Variants in BAZ2B observed in about 807,000 individuals in gnomAD.
BAZ2B encodes bromodomain adjacent to zinc finger domain protein 2B.
In BAZ2B, 91 loss-of-function variants were observed where a neutral mutation model predicts 246.0. The ratio of observed to expected loss-of-function variants is 0.37; its 90% CI spans 0.31 to 0.44. The LOEUF (loss-of-function observed/expected upper bound fraction) is 0.44. Among genes scored for constraint, BAZ2B ranks in the 20% least tolerant of loss-of-function variants. BAZ2B has a pLI of 1.00. For synonymous variants in BAZ2B, 855 were observed against 860.0 expected, an observed-to-expected ratio of 0.99 and a Z score of 0.10; for missense variants, 2,332 against 2,533.7, an observed-to-expected ratio of 0.92 and a Z score of 1.71.
intron 27 of BAZ2B, 27 bp from the exon 28 acceptor site, chr2:159,350,384 A>T: frequency 6.8e-7 from 1 of 1,464,962 alleles, no homozygotes; most frequent in Non-Finnish European, 9.1e-7. Flanking sequence ...CATTATGAAC[A>T]TCAGTTACTC....
downstream of BAZ2B, among the ~76,000 whole-genome samples, chr2:159,315,982 A>C (rs2062072020): frequency 6.6e-6 from 1 of 152,220 alleles, no homozygotes. Context: ...CAGAAACAGA[A>C]TTTAAAAACA....
At chr2:159,355,839 C>T (rs896943745) in intron 27 of BAZ2B, among the ~76,000 whole-genome samples, 5 of 152,092 alleles carry the variant, frequency 3.3e-5, no homozygotes, top group South Asian at 4.1e-4. Context: ...ACACAGAAGG[C>T]GGCCGAAGTA....
chr2:159,334,562 T>C (rs1167562418), intron 33 of BAZ2B, among the ~76,000 whole-genome samples: 2 of 152,232 alleles, frequency 1.3e-5, no homozygotes, highest in African/African-American at 4.8e-5. Context: ...AGGTGCTTCT[T>C]AATCTTTGAA....
In BAZ2B at chr2:159,462,486, C is replaced by T. The variant is rs1467415105; in HGVS notation, c.146-8685G>A. 6 of 1,029,998 alleles carry T rather than the reference C, an allele frequency of 5.8e-6. No individual in the cohort carries two copies. In the Admixed American group the frequency reaches 6.8e-5, roughly 12 times the overall value. 63.8% of individuals were successfully genotyped at this position (1,029,998 alleles called of 1,614,324 possible). A position where few individuals can be genotyped will look rare whatever the true frequency, so the allele number is the denominator to read the frequency against. ...GTAACCGGAAGCTGCCGGCGCAAGACCTTGAATGTGGTATCTGACATTGTT... is the reference window on the plus strand; with the variant it reads ...GTAACCGGAAGCTGCCGGCGCAAGATCTTGAATGTGGTATCTGACATTGTT... On this transcript the variant is annotated intron_variant, in intron 3 of 36. Transcript: ENST00000392783.
At chr2:159,524,524 CT>C (rs1345309716) in intron 2 of BAZ2B, among the ~76,000 whole-genome samples, 1 of 152,036 alleles carries the variant, frequency 6.6e-6, no homozygotes, top group Non-Finnish European at 1.5e-5. Flanking sequence ...GAGGAGGTAC[CT>C]AGCAGCTGCC....
intron 14 of BAZ2B, among the ~76,000 whole-genome samples, chr2:159,406,242 G>A (rs546506450): frequency 9.2e-5 from 14 of 152,236 alleles, no homozygotes; most frequent in East Asian, 1.9e-4. Flanking sequence ...GTATTCTTTC[G>A]GCTTTTGTTC....
At chr2:159,549,352 C>G (rs2087811660) in intron 2 of BAZ2B, among the ~76,000 whole-genome samples, 1 of 152,172 alleles carries the variant, frequency 6.6e-6, no homozygotes, top group Non-Finnish European at 1.5e-5. Flanking sequence ...TCTTTCAAGT[C>G]TATATGCCTA....
the BAZ2B span, among the ~76,000 whole-genome samples, chr2:159,692,156 ATTTT>A: frequency 1.3e-5 from 2 of 150,092 alleles, no homozygotes; most frequent in Non-Finnish European, 3.0e-5. Flanking sequence ...CTTTTTCTTA[ATTTT>A]TTTTTTCTTT....
chr2:159,625,824 A>C, the BAZ2B span, among the ~76,000 whole-genome samples: 1 of 152,164 alleles, frequency 6.6e-6, no homozygotes, highest in Non-Finnish European at 1.5e-5. Flanking sequence ...TTCACACATA[A>C]TACTAAACTT....
chr2:159,661,372 G>A, the BAZ2B span, among the ~76,000 whole-genome samples: 1 of 152,046 alleles, frequency 6.6e-6, no homozygotes, highest in African/African-American at 2.4e-5. Flanking sequence ...TTCCAATTTG[G>A]GGGCTATTAC....
chr2:159,498,476 T>C (rs2081384943), intron 2 of BAZ2B, among the ~76,000 whole-genome samples: 1 of 152,176 alleles, frequency 6.6e-6, no homozygotes, highest in Non-Finnish European at 1.5e-5. Flanking sequence ...ATAGTATAAT[T>C]TGAAATTTTG....
chr2:159,491,381 T>C (rs1407409351), intron 2 of BAZ2B, among the ~76,000 whole-genome samples: 1 of 152,178 alleles, frequency 6.6e-6, no homozygotes, highest in Non-Finnish European at 1.5e-5. Flanking sequence ...TATATAATAA[T>C]ACTAGTGTTT....
At chr2:159,685,018 T>C in the BAZ2B span, among the ~76,000 whole-genome samples, 1 of 152,204 alleles carries the variant, frequency 6.6e-6, no homozygotes, top group African/African-American at 2.4e-5. Flanking sequence ...AGAGTCATGG[T>C]AATGTCCAGA....
intron 5 of BAZ2B, 117 bp downstream of exon 5, chr2:159,448,125 A>G: frequency 8.3e-7 from 1 of 1,203,040 alleles, no homozygotes; most frequent in Non-Finnish European, 1.1e-6. Context: ...CCTTGTCTCT[A>G]TTAAAACAAA....
intron 1 of BAZ2B, among the ~76,000 whole-genome samples, chr2:159,615,027 G>T (rs2151836291): frequency 6.6e-6 from 1 of 151,820 alleles, no homozygotes; most frequent in Non-Finnish European, 1.5e-5. Flanking sequence ...TTAGAGGGCA[G>T]GAAAAAAAAT....
chr2:159,383,504 T>C (rs1306134684), intron 24 of BAZ2B, 102 bp downstream of exon 24: 1 of 1,011,850 alleles, frequency 9.9e-7, no homozygotes, highest in Non-Finnish European at 1.5e-6. Context: ...ATCTTTTCTT[T>C]AGACAATAAA....
rs770458202 is a variant in BAZ2B at position 159,373,129 on chromosome 2, A to C, written c.4129T>G (p.Phe1377Val). Residue 1377 changes from phenylalanine to valine, a missense_variant, in exon 27 of 37, where the codon TTT (phenylalanine) becomes GTT (valine). This residue lies in a region of BAZ2B where 676 missense variants were observed against 668.6 expected (regional missense o/e 1.01). Transcript: ENST00000392783. The part of the protein sequence containing the change: ...DASHSLRSVM[F>V]GQDRYRRRYW... Reference sequence around the variant, plus strand: ...CGGCGTCTGTAACGATCTTGGCCAAACATCACTGAACGCAATGAGTGAGAC... The same window carrying C: ...CGGCGTCTGTAACGATCTTGGCCAACCATCACTGAACGCAATGAGTGAGAC... 1 of 1,614,120 alleles carries C rather than the reference A, an allele frequency of 6.2e-7. No individual in the cohort carries two copies. Among genetic ancestry groups the C allele is most frequent in the East Asian group, 2.2e-5 (1 of 44,872 alleles).
chr2:159,676,485 T>A, the BAZ2B span, among the ~76,000 whole-genome samples: 2 of 152,184 alleles, frequency 1.3e-5, no homozygotes, highest in African/African-American at 2.4e-5. Flanking sequence ...CTTTACCATA[T>A]TAAATTTTCT....
intron 2 of BAZ2B, among the ~76,000 whole-genome samples, chr2:159,498,858 A>G (rs1034992654): frequency 2.6e-5 from 4 of 152,170 alleles, no homozygotes; most frequent in African/African-American, 9.7e-5. Context: ...TATTGGCAAT[A>G]CCCAAATATT....
Sources: gnomAD v4.1 joint callset for allele counts (sites outside exome capture counted in the v4.1 genomes callset) on GRCh38, gnomAD v4.1.1 for gene constraint, gnomAD v4.1.1 regional missense constraint, MANE v1.5 for transcripts, NCBI Gene and HGNC (gene_info 2026-07-23, HGNC 2026-07-21) for gene names.